Variants in SGCZ observed in about 807,000 individuals in gnomAD.
SGCZ encodes the protein zeta-sarcoglycan.
Under a neutral mutation model 41.3 loss-of-function variants are expected in SGCZ, and 40 were observed. The ratio of observed to expected loss-of-function variants is 0.97; its 90% confidence interval spans 0.75 to 1.26. The LOEUF is 1.26. Ranked by LOEUF, SGCZ falls within the 50% of genes most tolerant of loss-of-function variation. The pLI is 0.00. For missense variants in SGCZ, 552 were observed against 369.8 expected (o/e 1.49, Z -4.04); for synonymous variants, 206 against 137.5 (o/e 1.50, Z -3.49).
At chr8:14,543,224 G>C (rs972569634) in intron 2 of SGCZ, among the ~76,000 whole-genome samples, 20 of 151,896 alleles carry the variant, frequency 1.3e-4, no homozygotes, top group Non-Finnish European at 2.6e-4. Context: ...TCCTAATACT[G>C]TACTAGTGTG....
intron 1 of SGCZ, among the ~76,000 whole-genome samples, chr8:14,656,177 T>G (rs1050549413): frequency 6.6e-6 from 1 of 152,066 alleles, no homozygotes; most frequent in Admixed American, 6.6e-5. Context: ...ACTATGCCAT[T>G]TTACAAACTA....
intron 1 of SGCZ, among the ~76,000 whole-genome samples, chr8:14,592,193 A>G (rs546980686): frequency 6.6e-6 from 1 of 152,294 alleles, no homozygotes; most frequent in Non-Finnish European, 1.5e-5. Context: ...ACTACACATT[A>G]TCTCCAGGCC....
intron 2 of SGCZ, among the ~76,000 whole-genome samples, chr8:14,458,253 A>T (rs1459986434): frequency 6.6e-6 from 1 of 152,236 alleles, no homozygotes; most frequent in Non-Finnish European, 1.5e-5. Flanking sequence ...TATATTACAA[A>T]TGAAAAACGT....
At chr8:14,374,609 C>G (rs1804044337) in intron 2 of SGCZ, among the ~76,000 whole-genome samples, 1 of 151,966 alleles carries the variant, frequency 6.6e-6, no homozygotes, top group Non-Finnish European at 1.5e-5. Context: ...CACGAAAAGC[C>G]TATTTAGGAC....
intron 1 of SGCZ, among the ~76,000 whole-genome samples, chr8:14,919,951 T>A (rs1799544058): frequency 6.6e-6 from 1 of 152,152 alleles, no homozygotes; most frequent in South Asian, 2.1e-4. Flanking sequence ...TAAAGAAAAC[T>A]ATTAGCAATA....
chr8:15,017,119 A>C (rs570636857), intron 1 of SGCZ, among the ~76,000 whole-genome samples: 8 of 152,304 alleles, frequency 5.3e-5, no homozygotes, highest in African/African-American at 1.9e-4. Context: ...AAATCAGTTT[A>C]TGGATTCAAG....
chr8:14,549,038 G>T lies in SGCZ; in HGVS notation c.234+5694C>A, dbSNP rs188901375. On this transcript the variant is annotated intron_variant, in intron 2 of 7. Coordinates refer to ENST00000382080, the MANE Select transcript of SGCZ (RefSeq NM_139167.4). ...AAGTGTTAGCACAGAGGCTGTGGTG[G>T]TTGGTAGTAATTTACCAGTTAATTG... 5.9e-3 allele frequency among the ~76,000 whole-genome samples: 902 copies of T among 152,160 alleles called. 5 individuals are homozygous for T. Among genetic ancestry groups the T allele is most frequent in the Non-Finnish European group, 1.0e-2 (679 of 68,010 alleles).
At chr8:14,707,279 C>G (rs1229977127) in intron 1 of SGCZ, among the ~76,000 whole-genome samples, 2 of 148,060 alleles carry the variant, frequency 1.4e-5, no homozygotes, top group East Asian at 2.0e-4. Context: ...TGAGAACATA[C>G]ATAGTCAATT....
intron 1 of SGCZ, among the ~76,000 whole-genome samples, chr8:15,222,773 G>C (rs904581994): frequency 1.3e-5 from 2 of 151,584 alleles, no homozygotes; most frequent in Admixed American, 1.3e-4. Context: ...GTGTGTGTCT[G>C]TGTGTGTGTG....
chr8:14,783,643 T>A (rs1319523038), intron 1 of SGCZ, among the ~76,000 whole-genome samples: 1 of 152,208 alleles, frequency 6.6e-6, no homozygotes, highest in Non-Finnish European at 1.5e-5. Flanking sequence ...AAAAGATATT[T>A]AAAACACGTT....
intron 2 of SGCZ, among the ~76,000 whole-genome samples, chr8:14,486,497 T>C (rs1801678865): frequency 6.6e-6 from 1 of 152,184 alleles, no homozygotes; most frequent in Non-Finnish European, 1.5e-5. Context: ...GATCAAACAT[T>C]ATTTGTAAAC....
intron 1 of SGCZ, among the ~76,000 whole-genome samples, chr8:15,191,998 T>A (rs1310680801): frequency 1.3e-5 from 2 of 152,096 alleles, no homozygotes; most frequent in African/African-American, 4.8e-5. Flanking sequence ...ATAAAAGTAG[T>A]ACCTACATCA....
chr8:14,205,650 G>C (rs897799224), intron 4 of SGCZ, among the ~76,000 whole-genome samples: 11 of 151,956 alleles, frequency 7.2e-5, no homozygotes, highest in African/African-American at 2.4e-4. Context: ...CCTTTGTTTG[G>C]GGTTTTGTTT....
rs1440946407 is a variant in SGCZ at position 14,680,978 on chromosome 8, A to AC, written c.40-126053_40-126052insG. On this transcript the variant is annotated intron_variant, in intron 1 of 7. Transcript: ENST00000382080. The stretch of plus-strand genomic sequence containing the variant: ...AAAAAGAGTGGGAAAAAAAAAAAAA[A>AC]AAACAGAAAATCGGTGAACCCTGGC... Among the ~76,000 whole-genome samples, 29 of 151,194 alleles carry AC rather than the reference A, an allele frequency of 1.9e-4. No homozygotes were observed. The East Asian group carries it at 2.9e-3, about 15-fold the overall frequency.
At chr8:14,596,691 G>T (rs1050674985) in intron 1 of SGCZ, among the ~76,000 whole-genome samples, 1 of 152,004 alleles carries the variant, frequency 6.6e-6, no homozygotes, top group Non-Finnish European at 1.5e-5. Context: ...GGAAGGGGAG[G>T]GAGAGCATTA....
At chr8:14,557,093 C>G (rs1042345805) in intron 1 of SGCZ, among the ~76,000 whole-genome samples, 1 of 151,898 alleles carries the variant, frequency 6.6e-6, no homozygotes, top group African/African-American at 2.4e-5. Flanking sequence ...ACACCAATGC[C>G]TATTACTTTT....
At chr8:14,813,010 A>G (rs1585283251) in intron 1 of SGCZ, among the ~76,000 whole-genome samples, 1 of 152,312 alleles carries the variant, frequency 6.6e-6, no homozygotes, top group South Asian at 2.1e-4. Context: ...GTAAATCTGA[A>G]GAGAGTCTAA....
At chr8:15,014,917 G>A (rs905984577) in intron 1 of SGCZ, among the ~76,000 whole-genome samples, 16 of 152,126 alleles carry the variant, frequency 1.1e-4, no homozygotes, top group African/African-American at 3.4e-4. Context: ...AAAAACTACC[G>A]CAAACCTGGT....
intron 2 of SGCZ, among the ~76,000 whole-genome samples, chr8:14,433,674 A>G (rs567872399): frequency 2.0e-4 from 31 of 152,344 alleles, no homozygotes; most frequent in African/African-American, 7.2e-4. Flanking sequence ...CTTGTTGCCA[A>G]TGCTCACATA....
Sources: allele counts gnomAD v4.1 joint callset (sites outside exome capture counted in the v4.1 genomes callset), GRCh38; gene constraint gnomAD v4.1.1; transcripts MANE v1.5; gene names NCBI Gene and HGNC (gene_info 2026-07-23, HGNC 2026-07-21).